Variants in KIF2A observed in about 807,000 individuals in gnomAD.
KIF2A encodes kinesin family member 2A.
KIF2A carries 22 observed loss-of-function variants against 100.2 expected under a neutral mutation model. That is an observed-to-expected ratio of 0.22 (90% CI 0.16 to 0.31). The LOEUF (loss-of-function observed/expected upper bound fraction) is 0.31. Among genes scored for constraint, KIF2A ranks in the 10% least tolerant of loss-of-function variants. KIF2A has a pLI of 1.00. For missense variants in KIF2A, 495 were observed against 898.7 expected (o/e 0.55, Z 5.74); for synonymous variants, 268 against 285.9 (o/e 0.94, Z 0.63).
intron 9 of KIF2A, among the ~76,000 whole-genome samples, 192 bp from the exon 10 acceptor site, chr5:62,361,050 A>G (rs1561273098): frequency 1.3e-5 from 2 of 152,188 alleles, no homozygotes; most frequent in Non-Finnish European, 2.9e-5. Flanking sequence ...TAGTTTAAGT[A>G]ATTTTAGCAT....
chr5:62,357,642 T>G (rs1561271098), intron 7 of KIF2A, 49 bp from the exon 8 acceptor site: 1 of 976,098 alleles, frequency 1.0e-6, no homozygotes, highest in Non-Finnish European at 1.5e-6. Context: ...CGTTTTAGTG[T>G]TTTACATGAC....
At chr5:62,312,282 G>A (rs1745591714) in intron 1 of KIF2A, among the ~76,000 whole-genome samples, 1 of 152,184 alleles carries the variant, frequency 6.6e-6, no homozygotes, top group Admixed American at 6.5e-5. Flanking sequence ...TGTCATGATT[G>A]TTAAAATGCT....
Position 62,385,794 on chromosome 5 carries a change from A to C in KIF2A, c.*225A>C. 2.0e-6 allele frequency: 1 copy of C among 507,516 alleles called. No individual in the cohort carries two copies. The highest frequency in any genetic ancestry group is 3.5e-6 in the Non-Finnish European group (1 of 283,248). The allele number at this position is 507,516 out of a possible 1,614,324, so 31.4% of individuals were successfully genotyped here. ...TGGGATTAATGAAGCATTTTGTTTCATTTACACAAATAGTGATTTACTTTT... is the reference window on the plus strand; with the variant it reads ...TGGGATTAATGAAGCATTTTGTTTCCTTTACACAAATAGTGATTTACTTTT... On this transcript the variant is annotated 3_prime_UTR_variant, in exon 21 of 21. Transcript: ENST00000407818.
chr5:62,335,035 T>G (rs1343649014), intron 1 of KIF2A, among the ~76,000 whole-genome samples: 1 of 152,068 alleles, frequency 6.6e-6, no homozygotes, highest in African/African-American at 2.4e-5. Context: ...AGGGCCTGGA[T>G]TTTTAGAAGG....
At chr5:62,361,168 T>G (rs1168464360) in intron 9 of KIF2A, 74 bp from the exon 10 acceptor site, 1 of 688,178 alleles carries the variant, frequency 1.5e-6, no homozygotes, top group Non-Finnish European at 2.4e-6. Flanking sequence ...ATAAAATACT[T>G]TGTATTACTC....
chr5:62,373,619 T>C (rs1741412342), intron 17 of KIF2A, 68 bp from the exon 18 acceptor site: 1 of 1,120,450 alleles, frequency 8.9e-7, no homozygotes, highest in Non-Finnish European at 1.3e-6. Flanking sequence ...GTATATTGAA[T>C]AGGCTGGTAT....
At chr5:62,364,655 T>C (rs913684562) in intron 14 of KIF2A, among the ~76,000 whole-genome samples, 3 of 152,220 alleles carry the variant, frequency 2.0e-5, no homozygotes, top group Admixed American at 6.5e-5. Context: ...GTTAAGAAAT[T>C]AACTTTTTAC....
rs756321886 is a variant in KIF2A at position 62,348,084 on chromosome 5, C to T, written c.196C>T (p.Leu66Phe). ...LESIFSLNPD[L>F]VPDEEIEPSP... is the part of the protein sequence containing the mutation. ...GAGCATCTTTTCACTTAACCCTGAC[C>T]TTGTTCCTGATGAAGAAATTGAACC... Residue 66 changes from leucine (L) to phenylalanine (F), a missense_variant, in exon 3 of 21, where the codon CTT (leucine) becomes TTT (phenylalanine). Physicochemically the swap from Leu to Phe is conservative, Grantham distance 22 (BLOSUM62 0). Around this residue, in one of 10 missense-constraint regions of KIF2A, gnomAD observed 115 missense variants for 143.6 expected, o/e 0.80. Coordinates refer to ENST00000407818, the MANE Select transcript of KIF2A (RefSeq NM_001098511.3). 6 of 1,613,694 alleles carry T rather than the reference C, an allele frequency of 3.7e-6. No homozygotes were observed. The highest frequency in any genetic ancestry group is 4.2e-6 in the Non-Finnish European group (5 of 1,179,698).
chr5:62,343,488 A>G (rs1747403153), intron 1 of KIF2A, among the ~76,000 whole-genome samples: 2 of 152,232 alleles, frequency 1.3e-5, no homozygotes, highest in South Asian at 4.1e-4. Flanking sequence ...ATGAGGTCAC[A>G]GGTAATGCGG....
intron 1 of KIF2A, among the ~76,000 whole-genome samples, chr5:62,325,875 G>T (rs1255590147): frequency 2.0e-5 from 3 of 152,188 alleles, no homozygotes; most frequent in Non-Finnish European, 4.4e-5. Context: ...GCAAAGACAT[G>T]TAATCAACCT....
At chr5:62,335,602 T>C (rs2111863560) in intron 1 of KIF2A, among the ~76,000 whole-genome samples, 1 of 152,256 alleles carries the variant, frequency 6.6e-6, no homozygotes, top group East Asian at 1.9e-4. Flanking sequence ...GTTGGAAAGT[T>C]GGGGATATAA....
intron 14 of KIF2A, among the ~76,000 whole-genome samples, chr5:62,364,180 C>T (rs1166110053): frequency 3.3e-5 from 5 of 150,534 alleles, no homozygotes; most frequent in African/African-American, 1.2e-4. Context: ...CTGTGTCTTG[C>T]TCTTTCGCCC....
At chr5:62,324,950 T>A (rs192732731) in intron 1 of KIF2A, among the ~76,000 whole-genome samples, 56 of 152,260 alleles carry the variant, frequency 3.7e-4, no homozygotes, top group Admixed American at 1.8e-3. Context: ...AAACTATGCA[T>A]ATGACAAAGG....
intron 9 of KIF2A, among the ~76,000 whole-genome samples, chr5:62,359,953 T>C (rs535342572): frequency 4.3e-4 from 65 of 152,234 alleles, no homozygotes; most frequent in African/African-American, 1.5e-3. Flanking sequence ...ACAGCAGTTA[T>C]ATAAAATGTT....
At chr5:62,373,930 G>T in intron 18 of KIF2A, 93 bp downstream of exon 18, 1 of 1,050,478 alleles carries the variant, frequency 9.5e-7, no homozygotes, top group South Asian at 1.5e-5. Context: ...GAGGTGTCAG[G>T]CTGTGGGTGT....
At position 62,373,874 on chromosome 5, in the gene KIF2A, T is replaced by C. The variant is rs761290559; in HGVS notation, c.1911+37T>C. 9.9e-6 allele frequency: 15 copies of C among 1,507,800 alleles called. No individual in the cohort carries two copies. The East Asian group carries it at 3.4e-4, about 34-fold the overall frequency. The allele number at this position is 1,507,800 out of a possible 1,614,324, so 93.4% of individuals were successfully genotyped here. A position where few individuals can be genotyped will look rare whatever the true frequency, so the allele number is the denominator to read the frequency against. On this transcript the variant is annotated intron_variant, in intron 18 of 20. Transcript: ENST00000407818. Reference sequence around the variant, plus strand: ...ATGGTTGTAAATGTTATAATCTTAGTTCATTTCATCAGTAGCAGAACTTAA... The same window carrying C: ...ATGGTTGTAAATGTTATAATCTTAGCTCATTTCATCAGTAGCAGAACTTAA...
chr5:62,381,251 G>C lies in KIF2A; in HGVS notation c.2147G>C (p.Arg716Pro). The C allele has an allele frequency of 6.2e-7, 1 of 1,611,756 alleles. No individual in the cohort carries two copies. Among genetic ancestry groups the C allele is most frequent in the Non-Finnish European group, 8.5e-7 (1 of 1,178,302 alleles). ...EQKIDILTEL[R>P]DKVKSFRAAL... Reference sequence around the variant, plus strand: ...AAAATAGACATTTTAACTGAACTGCGGGGTAATTCTTTTTCCATTTTAATG... The same window carrying C: ...AAAATAGACATTTTAACTGAACTGCCGGGTAATTCTTTTTCCATTTTAATG... The change falls in exon 20 of 21, where the codon CGG becomes CCG. Residue 716 changes from arginine (R) to proline (P), a missense_variant and splice_region_variant. Arg to Pro is a moderately radical substitution (Grantham distance 103). Coordinates refer to ENST00000407818, the MANE Select transcript of KIF2A (RefSeq NM_001098511.3).
At chr5:62,315,612 A>G (rs1318237836) in intron 1 of KIF2A, among the ~76,000 whole-genome samples, 1 of 152,196 alleles carries the variant, frequency 6.6e-6, no homozygotes, top group African/African-American at 2.4e-5. Context: ...AAGGGCATTT[A>G]AAACAGGCAG....
intron 9 of KIF2A, among the ~76,000 whole-genome samples, chr5:62,360,121 G>T (rs1748324882): frequency 6.6e-6 from 1 of 151,890 alleles, no homozygotes; most frequent in Admixed American, 6.6e-5. Flanking sequence ...CTCCTGAGTA[G>T]CTGGGATTAC....
Sources: allele counts gnomAD v4.1 joint callset (sites outside exome capture counted in the v4.1 genomes callset), GRCh38; gene constraint gnomAD v4.1.1; regional missense constraint gnomAD v4.1.1; transcripts MANE v1.5; gene names NCBI Gene and HGNC (gene_info 2026-07-23, HGNC 2026-07-21).